NKAIN2: variants seen among roughly 807,000 people sequenced by gnomAD.
The protein encoded by NKAIN2 is sodium/potassium-transporting ATPase subunit beta-1-interacting protein 2.
A neutral mutation model predicts 32.6 loss-of-function variants in NKAIN2; 14 were observed. The observed-to-expected ratio is 0.43, with a 90% CI of 0.28 to 0.67. NKAIN2 has a LOEUF of 0.67. Ranked by LOEUF, NKAIN2 falls within the 30% of genes least tolerant of loss-of-function variation. The pLI is 0.17. For missense variants in NKAIN2, 198 were observed against 258.3 expected (o/e 0.77, Z 1.60); for synonymous variants, 80 against 87.2 (o/e 0.92, Z 0.46).
At chr6:124,498,652 TA>T (rs1778163022) in intron 3 of NKAIN2, among the ~76,000 whole-genome samples, 1 of 152,200 alleles carries the variant, frequency 6.6e-6, no homozygotes, top group South Asian at 2.1e-4. Context: ...TTTATCATGA[TA>T]AAAATCAAAG....
chr6:124,114,042 A>G (rs1785501462), intron 1 of NKAIN2, among the ~76,000 whole-genome samples: 4 of 152,194 alleles, frequency 2.6e-5, no homozygotes, highest in Admixed American at 2.6e-4. Context: ...CATACAGAGT[A>G]GGCATGTATT....
intron 1 of NKAIN2, among the ~76,000 whole-genome samples, chr6:124,161,013 C>G (rs908004871): frequency 6.6e-6 from 1 of 152,162 alleles, no homozygotes; most frequent in Admixed American, 6.6e-5. Context: ...TTTTAACTTA[C>G]ACTAAATGTG....
At chr6:124,670,967 T>C (rs989031608) in intron 4 of NKAIN2, among the ~76,000 whole-genome samples, 5 of 151,996 alleles carry the variant, frequency 3.3e-5, no homozygotes, top group Non-Finnish European at 5.9e-5. Flanking sequence ...GGTTCACCAA[T>C]AGAAAGAGAA....
intron 3 of NKAIN2, among the ~76,000 whole-genome samples, chr6:124,597,587 G>A (rs536662160): frequency 7.2e-5 from 11 of 152,152 alleles, no homozygotes; most frequent in African/African-American, 2.6e-4. Context: ...AATGGAAAAT[G>A]CCTTGGGAAT....
intron 3 of NKAIN2, among the ~76,000 whole-genome samples, chr6:124,481,018 A>T (rs1777424602): frequency 6.6e-6 from 1 of 152,146 alleles, no homozygotes. Flanking sequence ...CCATTCTGAA[A>T]AAAGCACAGC....
At chr6:124,533,665 C>A (rs1473925458) in intron 3 of NKAIN2, among the ~76,000 whole-genome samples, 2 of 152,022 alleles carry the variant, frequency 1.3e-5, no homozygotes, top group African/African-American at 2.4e-5. Context: ...ACATGAAGTA[C>A]TTAGCCCAAC....
intron 2 of NKAIN2, among the ~76,000 whole-genome samples, chr6:124,301,471 G>A (rs1029388073): frequency 2.6e-5 from 4 of 152,132 alleles, no homozygotes; most frequent in Non-Finnish European, 4.4e-5. Context: ...GTGAGAAGAA[G>A]GCCACCATCC....
At chr6:124,689,164 G>T (rs1289602461) in intron 4 of NKAIN2, among the ~76,000 whole-genome samples, 2 of 152,142 alleles carry the variant, frequency 1.3e-5, no homozygotes, top group African/African-American at 2.4e-5. Flanking sequence ...TCTGGATTTT[G>T]GGCATTGTAA....
At chr6:124,608,439 C>T (rs1000438658) in intron 3 of NKAIN2, among the ~76,000 whole-genome samples, 1 of 152,106 alleles carries the variant, frequency 6.6e-6, no homozygotes, top group African/African-American at 2.4e-5. Context: ...GTATAACTAT[C>T]TAAAGCCTCA....
At chr6:124,078,575 T>C (rs1329913428) in intron 1 of NKAIN2, among the ~76,000 whole-genome samples, 1 of 152,278 alleles carries the variant, frequency 6.6e-6, no homozygotes, top group East Asian at 1.9e-4. Flanking sequence ...AATACCACAG[T>C]CTATGAACTT....
intron 2 of NKAIN2, among the ~76,000 whole-genome samples, chr6:124,309,875 C>T (rs55805879): frequency 6.6e-6 from 1 of 151,890 alleles, no homozygotes; most frequent in Non-Finnish European, 1.5e-5. Flanking sequence ...CTCTTTTTTT[C>T]TTCTTTCCCT....
chr6:124,404,698 T>G (rs941887633), intron 3 of NKAIN2, among the ~76,000 whole-genome samples: 41 of 152,104 alleles, frequency 2.7e-4, no homozygotes, highest in African/African-American at 9.9e-4. Context: ...ATATTTTATG[T>G]ATACTTTAAA....
chr6:124,025,231 A>G (rs1233383840), intron 1 of NKAIN2, among the ~76,000 whole-genome samples: 1 of 152,140 alleles, frequency 6.6e-6, no homozygotes, highest in Admixed American at 6.5e-5. Context: ...CTTTGTTGCT[A>G]AAGTTAAGGC....
intron 1 of NKAIN2, among the ~76,000 whole-genome samples, chr6:124,108,314 C>T (rs569903624): frequency 3.3e-5 from 5 of 151,998 alleles, no homozygotes; most frequent in South Asian, 2.1e-4. Context: ...ATGTGTATAT[C>T]GTCTCTGAAG....
At chr6:124,783,150 T>C (rs561963912) in intron 4 of NKAIN2, among the ~76,000 whole-genome samples, 104 of 152,264 alleles carry the variant, frequency 6.8e-4, no homozygotes, top group Non-Finnish European at 1.1e-3. Context: ...ATAATGACAT[T>C]TGAATGTTAT....
At chr6:124,796,499 G>A (rs1780004813) in intron 5 of NKAIN2, among the ~76,000 whole-genome samples, 1 of 152,054 alleles carries the variant, frequency 6.6e-6, no homozygotes, top group South Asian at 2.1e-4. Context: ...AAATATCTGT[G>A]GGGCACAGAT....
chr6:124,076,947 T>G (rs1562344419), intron 1 of NKAIN2, among the ~76,000 whole-genome samples: 1 of 152,186 alleles, frequency 6.6e-6, no homozygotes, highest in African/African-American at 2.4e-5. Context: ...GTATATGTAT[T>G]TAATGAAGTA....
intron 3 of NKAIN2, among the ~76,000 whole-genome samples, chr6:124,486,256 C>A (rs1358591408): frequency 6.6e-6 from 1 of 152,102 alleles, no homozygotes; most frequent in Admixed American, 6.6e-5. Context: ...GTTACAACAG[C>A]AGGATTTCAG....
chr6:124,150,299 TA>T (rs913966760), intron 1 of NKAIN2, among the ~76,000 whole-genome samples: 8 of 152,164 alleles, frequency 5.3e-5, no homozygotes, highest in African/African-American at 1.4e-4. Flanking sequence ...AGTTTTTGGT[TA>T]AAAAAATGCT....
Sources: gnomAD v4.1 joint callset for allele counts (sites outside exome capture counted in the v4.1 genomes callset) on GRCh38, gnomAD v4.1.1 for gene constraint, MANE v1.5 for transcripts, NCBI Gene and HGNC (gene_info 2026-07-23, HGNC 2026-07-21) for gene names.